Variants in TRAPPC2L observed in about 807,000 individuals in gnomAD.
The protein encoded by TRAPPC2L is trafficking protein particle complex subunit 2-like protein.
A neutral mutation model predicts 13.2 loss-of-function variants in TRAPPC2L; 17 were observed. The observed-to-expected ratio is 1.29, with a 90% CI of 0.88 to 1.93. The LOEUF is 1.93. Among genes scored for constraint, TRAPPC2L ranks in the 30% most tolerant of loss-of-function variants. TRAPPC2L has a pLI of 0.00. For synonymous variants in TRAPPC2L, 150 were observed against 98.1 expected (o/e 1.53, Z -3.12); for missense variants, 359 against 252.1 (o/e 1.42, Z -2.87).
exon 4 of TRAPPC2L, chr16:88,861,168 A>G (rs1236936936): frequency 2.2e-5 from 13 of 592,554 alleles, no homozygotes; most frequent in South Asian, 3.9e-5. Context: ...GAATTCAACT[A>G]AGGACTTTTC....
chr16:88,861,100 T>G, exon 4 of TRAPPC2L: 1 of 775,618 alleles, frequency 1.3e-6, no homozygotes, highest in Non-Finnish European at 2.1e-6. Context: ...CAACTAAAGG[T>G]CTTGTGAGAG....
intron 1 of TRAPPC2L, 90 bp downstream of exon 1, chr16:88,857,273 T>A: frequency 8.1e-7 from 1 of 1,236,832 alleles, no homozygotes; most frequent in Non-Finnish European, 1.1e-6. Flanking sequence ...AGAAGGCACC[T>A]TAGGAAATGG....
intron 1 of TRAPPC2L, chr16:88,857,433 G>A: frequency 2.1e-6 from 1 of 466,294 alleles, no homozygotes; most frequent in South Asian, 3.3e-5. Context: ...CTCCCCGCCA[G>A]GACCCACCAG....
rs1968339795 is a variant in TRAPPC2L, at chr16:88,860,908, T to C, written c.*584T>C. On this transcript the variant is annotated 3_prime_UTR_variant, in exon 4 of 4. Coordinates refer to ENST00000565504, the Ensembl canonical transcript of TRAPPC2L. The stretch of plus-strand genomic sequence containing the variant: ...CTCCTCTGAGTGGGTCTGTTTCTCT[T>C]AGCAGGGCCTTTGATAACATGGTGA... 3.1e-6 allele frequency: 5 copies of C among 1,591,318 alleles called. No homozygotes were observed. The highest frequency in any genetic ancestry group is 4.3e-6 in the Non-Finnish European group (5 of 1,170,714).
At chr16:88,860,846 C>G (rs760837738) in exon 4 of TRAPPC2L, 2 of 1,520,202 alleles carry the variant, frequency 1.3e-6, no homozygotes, top group African/African-American at 1.4e-5. Flanking sequence ...CCATGCTGCC[C>G]GGCCCGTCTC....
intron 1 of TRAPPC2L, among the ~76,000 whole-genome samples, 185 bp from the exon 2 acceptor site, chr16:88,858,434 C>T (rs1393979906): frequency 2.6e-5 from 4 of 152,136 alleles, no homozygotes; most frequent in South Asian, 2.1e-4. Flanking sequence ...ACATAAATCT[C>T]CTTAGGTTAG....
At chr16:88,856,574 C>CCGGGG, upstream of TRAPPC2L, 1 of 577,666 alleles carries the variant, frequency 1.7e-6, no homozygotes, top group Non-Finnish European at 3.1e-6. Context: ...CCTCCCCGCA[C>CCGGGG]GGGGATACCC....
At chr16:88,860,417 A>T in exon 4 of TRAPPC2L, 1 of 607,164 alleles carries the variant, frequency 1.6e-6, no homozygotes, top group East Asian at 2.7e-5. Context: ...TTTGAACATC[A>T]TGAGGGAAAT....
In TRAPPC2L at chr16:88,862,038, G is replaced by A. The variant is rs891478517; in HGVS notation, c.*1714G>A. On this transcript the variant is annotated 3_prime_UTR_variant, in exon 4 of 4. Coordinates refer to ENST00000565504, the Ensembl canonical transcript of TRAPPC2L. The stretch of plus-strand genomic sequence containing the variant: ...GGAATGGGCCGAGGCACACCAGGCA[G>A]CTGATCTGGGTGCATGTGGGCCACA... 5 of 174,802 alleles carry A rather than the reference G, an allele frequency of 2.9e-5. No individual in the cohort carries two copies. The Admixed American group carries it at 3.2e-4, about 11-fold the overall frequency. The allele number at this position is 174,802 out of a possible 1,614,324, so 10.8% of individuals were successfully genotyped here. A position where few individuals can be genotyped will look rare whatever the true frequency, so the allele number is the denominator to read the frequency against.
chr16:88,857,467 A>ACCTCCGT (rs570752266), intron 1 of TRAPPC2L: 17 of 414,500 alleles, frequency 4.1e-5, no homozygotes, highest in East Asian at 3.8e-4. Flanking sequence ...CCCGGGCACT[A>ACCTCCGT]CCTCCGTCCT....
At chr16:88,857,343 C>G (rs1211101429) in intron 1 of TRAPPC2L, 160 bp downstream of exon 1, 9 of 630,012 alleles carry the variant, frequency 1.4e-5, no homozygotes, top group Non-Finnish European at 1.8e-5. Context: ...GGACGAGCCG[C>G]CAGGCAGACC....
rs1172811748 is a variant in TRAPPC2L at position 88,860,190 on chromosome 16, G to A, written c.592G>A (p.Val198Met). The A allele has an allele frequency of 4.2e-6, 3 of 708,838 alleles. No homozygotes were observed. The Admixed American group carries it at 6.0e-5, about 14-fold the overall frequency. 43.9% of individuals were successfully genotyped at this position (708,838 alleles called of 1,614,324 possible). A position where few individuals can be genotyped will look rare whatever the true frequency, so the allele number is the denominator to read the frequency against. ...AGCGCATAAAGTGGATAGAGTGTGT[G>A]TGGTGTGGGGAGTAGAGCTTGCCCA... The change falls in exon 4 of 4, where the codon GTG becomes ATG. Residue 198 changes from valine (V) to methionine (M), a missense_variant. Transcript: ENST00000565504.
chr16:88,859,597 G>T, intron 2 of TRAPPC2L, 66 bp from the exon 3 acceptor site: 1 of 1,453,334 alleles, frequency 6.9e-7, no homozygotes, highest in Non-Finnish European at 9.7e-7. Context: ...CCAAAGTGAG[G>T]GCCCACAGAG....
upstream of TRAPPC2L, chr16:88,857,087 C>A: frequency 6.5e-7 from 1 of 1,537,298 alleles, no homozygotes; most frequent in East Asian, 2.5e-5. Flanking sequence ...TGGGGCGGGG[C>A]TTTGGAGGCC....
intron 2 of TRAPPC2L, 66 bp downstream of exon 2, chr16:88,858,857 A>T: frequency 6.6e-7 from 1 of 1,518,682 alleles, no homozygotes; most frequent in Non-Finnish European, 8.9e-7. Context: ...TTAGGATCAG[A>T]TAACTTGAAA....
chr16:88,859,798 T>C (rs1567556891), intron 3 of TRAPPC2L, 48 bp downstream of exon 3: 2 of 1,593,534 alleles, frequency 1.3e-6, no homozygotes, highest in African/African-American at 1.4e-5. Flanking sequence ...GTTTTGTTTT[T>C]CCTTTTTGAC....
Position 88,859,881 on chromosome 16 carries a change from G to T in TRAPPC2L, c.295-12G>T. The T allele has an allele frequency of 6.4e-7, 1 of 1,551,142 alleles. No homozygotes were observed. Among genetic ancestry groups the T allele is most frequent in the Non-Finnish European group, 8.7e-7 (1 of 1,149,810 alleles). On this transcript the variant is annotated splice_polypyrimidine_tract_variant and intron_variant, in intron 3 of 3. Coordinates refer to ENST00000565504, the Ensembl canonical transcript of TRAPPC2L. ...TATGTGGCAAGGTCATGGTTTGCTG[G>T]GTCTTTTTCAGATGTTCCGGAAGCT...
intron 1 of TRAPPC2L, among the ~76,000 whole-genome samples, 199 bp from the exon 2 acceptor site, chr16:88,858,420 C>G (rs1191334797): frequency 2.6e-5 from 4 of 152,176 alleles, no homozygotes; most frequent in African/African-American, 7.2e-5. Flanking sequence ...GCTTTGCAAA[C>G]AACACATAAA....
chr16:88,857,068 G>A, upstream of TRAPPC2L: 1 of 1,495,254 alleles, frequency 6.7e-7, no homozygotes, highest in Non-Finnish European at 8.9e-7. Flanking sequence ...TGAGCCAGCT[G>A]TGTGCGGATG....
Sources: gnomAD v4.1 joint callset for allele counts (sites outside exome capture counted in the v4.1 genomes callset) on GRCh38, gnomAD v4.1.1 for gene constraint, MANE v1.5 for transcripts, NCBI Gene and HGNC (gene_info 2026-07-23, HGNC 2026-07-21) for gene names.